ICA1: variants seen among roughly 807,000 people sequenced by gnomAD.
ICA1 encodes the protein 69 kDa islet cell autoantigen.
ICA1 carries 40 observed loss-of-function variants against 71.0 expected under a neutral mutation model. That is an observed-to-expected ratio of 0.56 (90% confidence interval 0.44 to 0.73). The LOEUF is 0.73. ICA1 is among the 30% of genes least tolerant of loss of function. ICA1 has a pLI of 0.00. For synonymous variants in ICA1, 207 were observed against 209.5 expected (o/e 0.99, Z 0.10); for missense variants, 578 against 576.5 (o/e 1.00, Z -0.03).
intron 6 of ICA1, among the ~76,000 whole-genome samples, chr7:8,163,943 T>A (rs1243090880): frequency 6.6e-6 from 1 of 151,960 alleles, no homozygotes; most frequent in Admixed American, 6.6e-5. Context: ...AGAGAGAGGA[T>A]CCTATTTTCA....
rs149047721 is a variant in ICA1, at chr7:8,230,785, A to C, written c.183+1805T>G. Among the ~76,000 whole-genome samples the C allele has an allele frequency of 3.7e-3, 569 of 152,338 alleles. 1 individual carries two copies. Among genetic ancestry groups the C allele is most frequent in the African/African-American group, 0.013 (541 of 41,580 alleles). On this transcript the variant is annotated intron_variant, in intron 3 of 13. Coordinates refer to ENST00000402384, the MANE Select transcript of ICA1 (RefSeq NM_001136020.3). ...TGGTTCTACTTTCCTCCATTGCAGAAATCTCCATTAGAACATCCTTGTCAA... is the reference window on the plus strand; with the variant it reads ...TGGTTCTACTTTCCTCCATTGCAGACATCTCCATTAGAACATCCTTGTCAA...
chr7:8,179,750 A>G (rs1781632527), intron 6 of ICA1, among the ~76,000 whole-genome samples: 1 of 151,988 alleles, frequency 6.6e-6, no homozygotes, highest in Non-Finnish European at 1.5e-5. Flanking sequence ...TGAGGAAGGG[A>G]GAACTTTTTT....
At chr7:8,184,972 G>A (rs1257761316) in intron 6 of ICA1, among the ~76,000 whole-genome samples, 2 of 152,028 alleles carry the variant, frequency 1.3e-5, no homozygotes, top group Non-Finnish European at 2.9e-5. Context: ...TACTTGGGAG[G>A]CTGAGGTGGG....
At position 8,241,964 on chromosome 7, in the gene ICA1, A is replaced by G. The variant is rs375544523; in HGVS notation, c.-79-5959T>C. ...AGACTTAGACTCCCACACAATAATA[A>G]TGGGAGACTTTAACACCCCACTGTC... On this transcript the variant is annotated intron_variant, in intron 1 of 13. Transcript: ENST00000402384. Among the ~76,000 whole-genome samples the G allele has an allele frequency of 4.9e-4, 75 of 152,278 alleles. No individual in the cohort carries two copies. The East Asian group carries it at 0.012, about 24-fold the overall frequency.
intron 1 of ICA1, among the ~76,000 whole-genome samples, chr7:8,242,696 G>T (rs927987854): frequency 3.3e-5 from 5 of 151,924 alleles, no homozygotes. Context: ...AAAGAGAGAA[G>T]AATCAAACAG....
chr7:8,206,969 A>T (rs972365850), intron 6 of ICA1, among the ~76,000 whole-genome samples: 3 of 152,204 alleles, frequency 2.0e-5, no homozygotes, highest in Non-Finnish European at 4.4e-5. Flanking sequence ...TTTGCTTGTA[A>T]GCATGGCTGA....
chr7:8,140,419 G>T (rs1378235722), intron 10 of ICA1, among the ~76,000 whole-genome samples: 2 of 152,162 alleles, frequency 1.3e-5, no homozygotes, highest in Non-Finnish European at 2.9e-5. Context: ...GACAAGTCTT[G>T]CCATAGCACT....
At chr7:8,185,825 G>A (rs973816085) in intron 6 of ICA1, among the ~76,000 whole-genome samples, 2 of 152,178 alleles carry the variant, frequency 1.3e-5, no homozygotes, top group African/African-American at 4.8e-5. Flanking sequence ...TATCTAAAGT[G>A]TATATTGATT....
intron 6 of ICA1, among the ~76,000 whole-genome samples, chr7:8,214,275 T>C (rs933871276): frequency 1.3e-5 from 2 of 152,234 alleles, no homozygotes; most frequent in Non-Finnish European, 1.5e-5. Context: ...CTGCGAAAGC[T>C]CTGCAGCAAG....
intron 12 of ICA1, among the ~76,000 whole-genome samples, chr7:8,131,614 GCAC>G (rs1407669958): frequency 2.0e-5 from 3 of 152,128 alleles, no homozygotes; most frequent in Non-Finnish European, 4.4e-5. Flanking sequence ...AATGAAACTG[GCAC>G]TGACTTGAAC....
chr7:8,139,574 T>C (rs1276720955), intron 10 of ICA1, among the ~76,000 whole-genome samples: 2 of 152,212 alleles, frequency 1.3e-5, no homozygotes, highest in African/African-American at 4.8e-5. Context: ...GAAACTGTTT[T>C]GTAAGGTCCT....
chr7:8,170,533 G>A (rs183678002), intron 6 of ICA1, among the ~76,000 whole-genome samples: 45 of 151,906 alleles, frequency 3.0e-4, no homozygotes, highest in African/African-American at 1.1e-3. Context: ...TTGGTGCACA[G>A]GTCTTGCATA....
intron 8 of ICA1, among the ~76,000 whole-genome samples, chr7:8,148,325 C>T (rs1281258980): frequency 9.9e-5 from 15 of 152,086 alleles, no homozygotes; most frequent in Non-Finnish European, 1.5e-5. Context: ...ACGCTTATTC[C>T]TTAATTTAAC....
At chr7:8,260,430 A>G (rs528714564) in intron 1 of ICA1, among the ~76,000 whole-genome samples, 217 of 152,314 alleles carry the variant, frequency 1.4e-3, no homozygotes, top group African/African-American at 4.8e-3. Flanking sequence ...ACCATCCAGT[A>G]TCTTTAGCAC....
intron 6 of ICA1, among the ~76,000 whole-genome samples, chr7:8,162,117 T>C (rs930604391): frequency 6.2e-4 from 94 of 152,352 alleles, no homozygotes; most frequent in African/African-American, 2.0e-3. Flanking sequence ...TCCTTTACGT[T>C]AACATAATCA....
intron 4 of ICA1, among the ~76,000 whole-genome samples, chr7:8,225,990 T>C (rs1356118822): frequency 6.6e-6 from 1 of 152,248 alleles, no homozygotes; most frequent in East Asian, 1.9e-4. Context: ...AAAATAATTA[T>C]GTTCCAAAAC....
At chr7:8,122,381 C>T (rs755084794) in intron 13 of ICA1, among the ~76,000 whole-genome samples, 6 of 152,226 alleles carry the variant, frequency 3.9e-5, no homozygotes, top group Non-Finnish European at 4.4e-5. Flanking sequence ...CTAAGCAGGT[C>T]ACAAGGCCTT....
intron 6 of ICA1, among the ~76,000 whole-genome samples, chr7:8,174,238 T>G (rs549847464): frequency 6.6e-6 from 1 of 152,210 alleles, no homozygotes; most frequent in Non-Finnish European, 1.5e-5. Flanking sequence ...TTACATGTTT[T>G]GTAAGTTCAT....
chr7:8,245,472 T>TG (rs1805634608), intron 1 of ICA1, among the ~76,000 whole-genome samples: 1 of 151,394 alleles, frequency 6.6e-6, no homozygotes, highest in Non-Finnish European at 1.5e-5. Flanking sequence ...GACAGGTTGA[T>TG]GGGTACAGTG....
Sources: gnomAD v4.1 joint callset for allele counts (sites outside exome capture counted in the v4.1 genomes callset) on GRCh38, gnomAD v4.1.1 for gene constraint, MANE v1.5 for transcripts, NCBI Gene and HGNC (gene_info 2026-07-23, HGNC 2026-07-21) for gene names.